Variants in SLC25A30 observed in about 807,000 individuals in gnomAD.
SLC25A30 encodes the protein solute carrier family 25 member 30.
In SLC25A30, 29 loss-of-function variants were observed where a neutral mutation model predicts 42.7. That is an observed-to-expected ratio of 0.68 (90% CI 0.51 to 0.93). The LOEUF (loss-of-function observed/expected upper bound fraction) is 0.93, where lower values mean the gene tolerates loss of function less well. Among genes scored for constraint, SLC25A30 ranks in the 40% least tolerant of loss-of-function variants. SLC25A30 has a pLI of 0.00. For synonymous variants in SLC25A30, 124 were observed against 131.0 expected (o/e 0.95, Z 0.37); for missense variants, 300 against 359.7 (o/e 0.83, Z 1.34).
intron 7 of SLC25A30, among the ~76,000 whole-genome samples, chr13:45,400,198 G>A (rs1456329103): frequency 6.6e-6 from 1 of 151,846 alleles, no homozygotes; most frequent in Non-Finnish European, 1.5e-5. Context: ...GAGGCGGGTG[G>A]ATCACTTAAG....
chr13:45,423,709 T>A, the SLC25A30 span, among the ~76,000 whole-genome samples: 12 of 9,692 alleles, frequency 1.2e-3, 1 homozygote, highest in African/African-American at 6.7e-3. Context: ...TATAAATATA[T>A]AAACATATAT....
chr13:45,433,984 C>T, the SLC25A30 span, among the ~76,000 whole-genome samples: 9 of 152,214 alleles, frequency 5.9e-5, no homozygotes, highest in Admixed American at 4.6e-4. Flanking sequence ...TCAGGCTGGG[C>T]GCAATGGTTC....
At chr13:45,423,576 TA>T in the SLC25A30 span, among the ~76,000 whole-genome samples, 60 of 81,532 alleles carry the variant, frequency 7.4e-4, 2 homozygotes, top group African/African-American at 2.2e-3. Flanking sequence ...TAAATATATA[TA>T]AAAATATATA....
chr13:45,432,285 A>G, the SLC25A30 span, among the ~76,000 whole-genome samples: 1 of 151,514 alleles, frequency 6.6e-6, no homozygotes, highest in Non-Finnish European at 1.5e-5. Context: ...AAAAAAAAAA[A>G]CAGTGTTACT....
chr13:45,416,808 A>G (rs1883577539), intron 1 of SLC25A30, among the ~76,000 whole-genome samples: 1 of 152,080 alleles, frequency 6.6e-6, no homozygotes, highest in South Asian at 2.1e-4. Context: ...AAGTTTTCTG[A>G]ATGAAATTGT....
At chr13:45,423,939 A>C in the SLC25A30 span, among the ~76,000 whole-genome samples, 3 of 88,600 alleles carry the variant, frequency 3.4e-5, no homozygotes, top group South Asian at 1.2e-3. Context: ...ATATATAAAT[A>C]TATAAAAAAA....
intron 6 of SLC25A30, 94 bp downstream of exon 6, chr13:45,402,181 C>T (rs1292664312): frequency 4.3e-5 from 40 of 927,880 alleles, no homozygotes; most frequent in South Asian, 1.1e-4. Context: ...TACTCCATTA[C>T]GACACTTGGA....
At position 45,399,034 on chromosome 13, in the gene SLC25A30, G is replaced by A. The variant is rs1476428664; in HGVS notation, c.659C>T (p.Pro220Leu). Reference protein sequence around the residue: ...CGLAGALASNPVDVVRTRMMN... With the variant: ...CGLAGALASNLVDVVRTRMMN... ...CATACGTGTCCTCACAACATCAACAGGGTTTGAGGCCAGGGCCCCTGCCAG... is the reference window on the plus strand; with the variant it reads ...CATACGTGTCCTCACAACATCAACAAGGTTTGAGGCCAGGGCCCCTGCCAG... Residue 220 changes from proline (P) to leucine (L), a missense_variant, in exon 8 of 10, where the codon CCT (proline) becomes CTT (leucine). Transcript: ENST00000519676. The A allele has an allele frequency of 6.2e-7, 1 of 1,613,584 alleles. No homozygotes were observed. The highest frequency in any genetic ancestry group is 8.5e-7 in the Non-Finnish European group (1 of 1,179,854).
the SLC25A30 span, among the ~76,000 whole-genome samples, chr13:45,424,506 A>T: frequency 6.0e-5 from 3 of 49,698 alleles, no homozygotes; most frequent in African/African-American, 1.7e-4. Context: ...AATATATAAA[A>T]ATATATATAA....
the SLC25A30 span, among the ~76,000 whole-genome samples, chr13:45,428,398 G>A: frequency 3.1e-4 from 46 of 149,412 alleles, no homozygotes; most frequent in Non-Finnish European, 5.8e-4. Context: ...TAGTAGAGAC[G>A]GGGTTTCACC....
intron 8 of SLC25A30, chr13:45,397,723 A>T (rs1450549178): frequency 5.3e-6 from 1 of 188,356 alleles, no homozygotes; most frequent in Non-Finnish European, 1.0e-5. Flanking sequence ...ATTAGTGGCC[A>T]GACTGATTTA....
upstream of SLC25A30, among the ~76,000 whole-genome samples, chr13:45,419,547 G>A (rs1322443134): frequency 1.3e-5 from 2 of 150,342 alleles, no homozygotes; most frequent in African/African-American, 4.9e-5. Flanking sequence ...TCGAACTCCC[G>A]ACCTCAGGTG....
At chr13:45,424,912 A>AAATATATAGT in the SLC25A30 span, among the ~76,000 whole-genome samples, 1 of 59,824 alleles carries the variant, frequency 1.7e-5, no homozygotes, top group African/African-American at 7.9e-5. Context: ...ATAAATATAT[A>AAATATATAGT]TAAATATATA....
the SLC25A30 span, among the ~76,000 whole-genome samples, chr13:45,424,528 T>A: frequency 2.4e-3 from 186 of 76,012 alleles, 33 homozygotes; most frequent in African/African-American, 9.5e-3. Context: ...TATATAAAAA[T>A]ATATATAAAT....
chr13:45,397,404 G>GTGGCC, intron 8 of SLC25A30, 66 bp from the exon 9 acceptor site: 1 of 1,231,228 alleles, frequency 8.1e-7, no homozygotes, highest in Non-Finnish European at 1.2e-6. Context: ...TTAATAATTA[G>GTGGCC]TGGCCAGGCC....
the SLC25A30 span, among the ~76,000 whole-genome samples, chr13:45,425,927 G>A: frequency 1.4e-5 from 2 of 147,244 alleles, no homozygotes; most frequent in Non-Finnish European, 3.0e-5. Context: ...TCCTGACCTC[G>A]AGTGATCCAC....
Position 45,395,853 on chromosome 13 carries a change from T to C in SLC25A30, c.*121A>G. 6.3e-7 allele frequency: 1 copy of C among 1,598,734 alleles called. No individual in the cohort carries two copies. Among genetic ancestry groups the C allele is most frequent in the Non-Finnish European group, 8.5e-7 (1 of 1,172,738 alleles). ...AATCTCAACTAACCCAGTCTTCATC[T>C]GTTGCTCACATCCCAGAATCTGTGA... On this transcript the variant is annotated 3_prime_UTR_variant, in exon 10 of 10. Transcript: ENST00000519676.
the SLC25A30 span, among the ~76,000 whole-genome samples, chr13:45,424,255 A>G: frequency 7.8e-5 from 1 of 12,858 alleles, no homozygotes; most frequent in Non-Finnish European, 1.3e-4. Flanking sequence ...ATATAAATAT[A>G]TGTAAATATA....
the SLC25A30 span, among the ~76,000 whole-genome samples, chr13:45,424,568 T>TAA: frequency 1.9e-3 from 65 of 35,134 alleles, 3 homozygotes; most frequent in African/African-American, 5.9e-3. Flanking sequence ...TATAAATGTA[T>TAA]AAATATATAA....
Sources: gnomAD v4.1 joint callset for allele counts (sites outside exome capture counted in the v4.1 genomes callset) on GRCh38, gnomAD v4.1.1 for gene constraint, MANE v1.5 for transcripts, NCBI Gene and HGNC (gene_info 2026-07-23, HGNC 2026-07-21) for gene names.